RPGR: variants seen among roughly 807,000 people sequenced by gnomAD.
RPGR encodes the protein retinitis pigmentosa GTPase regulator.
A neutral mutation model predicts 56.3 loss-of-function variants in RPGR; 10 were observed. That is an observed-to-expected ratio of 0.18 (90% CI 0.11 to 0.30). The LOEUF is 0.30. RPGR is among the 10% of genes least tolerant of loss of function. The pLI is 1.00. For synonymous variants in RPGR, 197 were observed against 212.9 expected (o/e 0.93, Z 0.65); for missense variants, 538 against 590.9 (o/e 0.91, Z 0.93).
intron 8 of RPGR, chrX:38,303,823 A>G (rs7057687): frequency 0.44 from 128,882 of 293,452 alleles, 20,719 homozygotes; most frequent in South Asian, 0.72. Context: ...AGCTTTTTCA[A>G]AAAGAAGGAA....
In RPGR at chrX:38,279,144, T is replaced by C; in HGVS notation, c.1906-2372A>G. 6.0e-6 allele frequency: 2 copies of C among 331,113 alleles called. 1 individual carries two copies. Among genetic ancestry groups the C allele is most frequent in the South Asian group, 5.2e-5 (2 of 38,395 alleles). The allele number at this position is 331,113 out of a possible 1,213,427, so 27.3% of individuals were successfully genotyped here. On this transcript the variant is annotated intron_variant, in intron 15 of 18. Coordinates refer to ENST00000642395, the MANE Select transcript of RPGR (RefSeq NM_000328.3). ...ATTCTAAACACATCTGGACGACTAC[T>C]TGAAGTCACAGAAAGCACTTACCTT...
chrX:38,306,800 T>C (rs1359498367), intron 7 of RPGR, among the ~76,000 whole-genome samples: 1 of 112,460 alleles, frequency 8.9e-6, no homozygotes, highest in Non-Finnish European at 1.9e-5. Context: ...ACAGAAGTTT[T>C]GTTCAGTATC....
chrX:38,294,952 T>A (rs771767885), intron 11 of RPGR, among the ~76,000 whole-genome samples: 11 of 112,262 alleles, frequency 9.8e-5, no homozygotes, highest in African/African-American at 3.6e-4. Context: ...GTATAATCTA[T>A]ATGGAGGTAG....
At chrX:38,280,735 A>G (rs918564374) in intron 15 of RPGR, among the ~76,000 whole-genome samples, 1 of 110,736 alleles carries the variant, frequency 9.0e-6, no homozygotes, top group Non-Finnish European at 1.9e-5. Flanking sequence ...GGTTTTTATC[A>G]TCTTGCCCAG....
At chrX:38,276,833 G>T in intron 15 of RPGR, 1 of 908,506 alleles carries the variant, frequency 1.1e-6, no homozygotes, top group South Asian at 2.1e-5. Context: ...CGAGGGATTT[G>T]ATATTGCTGT....
chrX:38,298,826 ACT>A, intron 10 of RPGR, 128 bp downstream of exon 10: 1 of 692,783 alleles, frequency 1.4e-6, no homozygotes, highest in Non-Finnish European at 2.2e-6. Flanking sequence ...TTAGCACTCA[ACT>A]CTAATAATTT....
chrX:38,310,705 C>T lies in RPGR; in HGVS notation c.688G>A (p.Gly230Ser). 4 of 1,210,269 alleles carry T rather than the reference C, an allele frequency of 3.3e-6. No individual in the cohort carries two copies. Among genetic ancestry groups the T allele is most frequent in the Non-Finnish European group, 4.5e-6 (4 of 894,688 alleles). The change falls in exon 7 of 19, where the codon GGC becomes AGC. Residue 230 changes from glycine (G) to serine (S), a missense_variant. This residue lies in a region of RPGR where 181 missense variants were observed against 265.1 expected (regional missense o/e 0.68). Coordinates refer to ENST00000642395, the MANE Select transcript of RPGR (RefSeq NM_000328.3). ...ACCAGCTGGGGTGTTCTGTGATTGC[C>T]CAGGAGCTGATTGGGAAGACCTAAC...
intron 16 of RPGR, chrX:38,276,493 A>G (rs1422398235): frequency 4.6e-6 from 4 of 870,211 alleles, no homozygotes; most frequent in Non-Finnish European, 6.7e-6. Context: ...AGTATTTCTG[A>G]TCCCAAAGGC....
At chrX:38,271,342 G>T (rs149504361) in intron 18 of RPGR, among the ~76,000 whole-genome samples, 1 of 111,796 alleles carries the variant, frequency 8.9e-6, no homozygotes, top group African/African-American at 3.2e-5. Context: ...AAGAAATGCT[G>T]ATTAAGTATA....
In RPGR at chrX:38,321,043, G is replaced by A. The variant is rs62638636; in HGVS notation, c.294C>T (p.His98=). Residue 98 remains histidine (H), a synonymous_variant, in exon 4 of 19, where the codon CAC becomes CAT. Coordinates refer to ENST00000642395, the MANE Select transcript of RPGR (RefSeq NM_000328.3). ...GCACTATACCTGTTGACACCAGGGT[G>A]TGGTTCCTTCCACAGGCAGCTAATT... 1.0e-5 allele frequency: 12 copies of A among 1,204,564 alleles called. No homozygotes were observed. In the African/African-American group the frequency reaches 1.2e-4, roughly 12 times the overall value.
intron 13 of RPGR, among the ~76,000 whole-genome samples, chrX:38,288,937 AC>A (rs1209242604): frequency 2.7e-5 from 3 of 109,635 alleles, no homozygotes; most frequent in Non-Finnish European, 5.7e-5. Flanking sequence ...GCATGCCACC[AC>A]ATCCAGCTAA....
chrX:38,287,961 T>C lies in RPGR; in HGVS notation c.1653A>G (p.Ser551=), dbSNP rs747017740. Residue 551 remains serine (S), a synonymous_variant, in exon 14 of 19, where the codon TCA becomes TCG. Coordinates refer to ENST00000642395, the MANE Select transcript of RPGR (RefSeq NM_000328.3). ...TACATGCTTTCCCTTCTTTCATTTCTGACATTTCTTCATATTCATCACTAT... is the reference window on the plus strand; with the variant it reads ...TACATGCTTTCCCTTCTTTCATTTCCGACATTTCTTCATATTCATCACTAT... 2.1e-5 allele frequency: 25 copies of C among 1,208,184 alleles called. No homozygotes were observed. In the South Asian group the frequency reaches 3.2e-4, roughly 15 times the overall value.
chrX:38,293,605 G>C (rs763522416), intron 11 of RPGR, among the ~76,000 whole-genome samples: 3 of 112,169 alleles, frequency 2.7e-5, no homozygotes, highest in Non-Finnish European at 5.6e-5. Context: ...GGAGAAGGCA[G>C]AGAATATAGG....
intron 1 of RPGR, 90 bp from the exon 2 acceptor site, chrX:38,323,614 C>A (rs779752566): frequency 9.9e-7 from 1 of 1,012,375 alleles, no homozygotes; most frequent in Non-Finnish European, 1.4e-6. Flanking sequence ...ATACAAACCC[C>A]TTGTCTCATG....
rs190406206 is a variant in RPGR at position 38,295,206 on chromosome X, G to A, written c.1414+2078C>T. On this transcript the variant is annotated intron_variant, in intron 11 of 18. Coordinates refer to ENST00000642395, the MANE Select transcript of RPGR (RefSeq NM_000328.3). ...TCTTCTTAACTGCCTCCAAACCTTT[G>A]TCTATATTATTTTCTTTGCCTGAAA... Among the ~76,000 whole-genome samples, 3 of 111,376 alleles carry A rather than the reference G, an allele frequency of 2.7e-5. No individual in the cohort carries two copies. In the East Asian group the frequency reaches 8.4e-4, roughly 31 times the overall value.
rs768381214 is a variant in RPGR at position 38,310,667 on chromosome X, C to T, written c.726G>A (p.Pro242=). ...CACAGGCTACTTGGATCACCTTCTC[C>T]GGAATTTCAGACACCAGCTGGGGTG... The change falls in exon 7 of 19, where the codon CCG becomes CCA. Residue 242 remains proline (P), a synonymous_variant. Transcript: ENST00000642395. 4.9e-5 allele frequency: 59 copies of T among 1,209,227 alleles called. No individual in the cohort carries two copies. The highest frequency in any genetic ancestry group is 8.8e-5 in the Admixed American group (4 of 45,664).
At chrX:38,279,141 T>C (rs1280738769) in intron 15 of RPGR, 1 of 331,020 alleles carries the variant, frequency 3.0e-6, no homozygotes, top group Non-Finnish European at 5.9e-6. Flanking sequence ...TCTGGACGAC[T>C]ACTTGAAGTC....
rs1183478150 is a variant in RPGR, at chrX:38,310,886, G to C, written c.620-113C>G. ...TCACTTAATACATTTGACCTTTCTT[G>C]AGATATTTTTACTGTATGATAAAGA... On this transcript the variant is annotated intron_variant, in intron 6 of 18. Transcript: ENST00000642395. The C allele has an allele frequency of 4.9e-6, 3 of 612,490 alleles. No homozygotes were observed. In the African/African-American group the frequency reaches 6.6e-5, roughly 14 times the overall value. The allele number at this position is 612,490 out of a possible 1,213,427, so 50.5% of individuals were successfully genotyped here. A position where few individuals can be genotyped will look rare whatever the true frequency, so the allele number is the denominator to read the frequency against.
At chrX:38,322,784 A>G in intron 3 of RPGR, 69 bp downstream of exon 3, 1 of 820,845 alleles carries the variant, frequency 1.2e-6, no homozygotes, top group Non-Finnish European at 1.8e-6. Flanking sequence ...TATTTATGAC[A>G]TTAAAGAACT....
Sources: allele counts gnomAD v4.1 joint callset (sites outside exome capture counted in the v4.1 genomes callset), GRCh38; gene constraint gnomAD v4.1.1; regional missense constraint gnomAD v4.1.1; transcripts MANE v1.5; gene names NCBI Gene and HGNC (gene_info 2026-07-23, HGNC 2026-07-21).